The following TCL1B variants were observed in gnomAD, a reference collection of about 807,000 sequenced individuals.
TCL1B encodes the protein T-cell leukemia/lymphoma protein 1B.
A neutral mutation model predicts 16.9 loss-of-function variants in TCL1B; 14 were observed. The observed-to-expected ratio is 0.83, with a 90% CI of 0.55 to 1.30. TCL1B has a LOEUF of 1.30. TCL1B is among the 50% of genes most tolerant of loss of function. TCL1B has a pLI of 0.00. For missense variants in TCL1B, 166 were observed against 165.2 expected, an observed-to-expected ratio of 1.00 and a Z score of -0.03; for synonymous variants, 79 against 66.6, an observed-to-expected ratio of 1.19 and a Z score of -0.91.
chr14:95,686,587 TC>T lies in TCL1B; in HGVS notation c.123del (p.Ser42ArgfsTer65), dbSNP rs770438774. 6 of 1,613,390 alleles carry T rather than the reference TC, an allele frequency of 3.7e-6. No individual in the cohort carries two copies. The South Asian group carries it at 5.5e-5, about 15-fold the overall frequency. ...TWVTVVVRFN[P>X]SRREWARASQ... is the part of the protein sequence containing the mutation. ...GGGTGACTGTGGTCGTGCGGTTCAA[TC>T]CCTCGCGTAGGGAATGGGCCAGGGC... On this transcript the variant is annotated frameshift_variant, in exon 1 of 4. Coordinates refer to ENST00000340722, the MANE Select transcript of TCL1B (RefSeq NM_004918.4). LOFTEE classifies it high-confidence loss of function.
intron 1 of TCL1B, among the ~76,000 whole-genome samples, chr14:95,689,069 A>C (rs772407741): frequency 1.3e-5 from 2 of 152,054 alleles, no homozygotes; most frequent in South Asian, 2.1e-4. Context: ...GGCGGATCAC[A>C]AGGTCAGGAG....
chr14:95,690,849 C>A lies in TCL1B; in HGVS notation c.276C>A (p.Pro92=). The A allele has an allele frequency of 6.2e-7, 1 of 1,614,202 alleles. No individual in the cohort carries two copies. The highest frequency in any genetic ancestry group is 8.5e-7 in the Non-Finnish European group (1 of 1,180,020). The change falls in exon 2 of 4, where the codon CCC becomes CCA. Residue 92 remains proline, a synonymous_variant. Coordinates refer to ENST00000340722, the MANE Select transcript of TCL1B (RefSeq NM_004918.4). ...SQLPAVWQLY[P]GRKYRAADSS... Reference sequence around the variant, plus strand: ...TGCCCGCCGTGTGGCAGCTCTACCCCGGGAGGAAGTACCGAGCAGCGGATT... The same window carrying A: ...TGCCCGCCGTGTGGCAGCTCTACCCAGGGAGGAAGTACCGAGCAGCGGATT...
chr14:95,689,913 T>C (rs557723852), intron 1 of TCL1B, among the ~76,000 whole-genome samples: 12 of 152,380 alleles, frequency 7.9e-5, no homozygotes, highest in Middle Eastern at 3.4e-3. Context: ...CAAAAGACTT[T>C]CCATTTTGTT....
chr14:95,691,139 A>G (rs1885876543), intron 2 of TCL1B, 129 bp from the exon 3 acceptor site: 44 of 1,202,946 alleles, frequency 3.7e-5, no homozygotes, highest in Non-Finnish European at 5.0e-5. Context: ...GGGCTAGGGA[A>G]ATCCACAAGC....
rs752223586 is a variant in TCL1B, at chr14:95,690,843, C to T, written c.270C>T (p.Leu90=). The T allele has an allele frequency of 1.2e-6, 2 of 1,614,174 alleles. No homozygotes were observed. The highest frequency in any genetic ancestry group is 1.7e-6 in the Non-Finnish European group (2 of 1,179,978). The part of the protein sequence containing the change: ...PFSQLPAVWQ[L]YPGRKYRAAD... ...CCCAGCTGCCCGCCGTGTGGCAGCT[C>T]TACCCCGGGAGGAAGTACCGAGCAG... Residue 90 remains leucine (L), a synonymous_variant, in exon 2 of 4, where the codon CTC becomes CTT. Coordinates refer to ENST00000340722, the MANE Select transcript of TCL1B (RefSeq NM_004918.4).
At chr14:95,691,033 C>T in intron 2 of TCL1B, 127 bp downstream of exon 2, 3 of 1,240,014 alleles carry the variant, frequency 2.4e-6, no homozygotes, top group Non-Finnish European at 3.4e-6. Context: ...TCAAGTCTTC[C>T]TTCAAGGAGG....
intron 1 of TCL1B, among the ~76,000 whole-genome samples, chr14:95,690,292 G>A (rs1223629356): frequency 6.6e-6 from 1 of 152,222 alleles, no homozygotes; most frequent in Non-Finnish European, 1.5e-5. Flanking sequence ...ATAAGCCACT[G>A]CTCCCAGCCT....
At chr14:95,691,388 G>A (rs767842110) in intron 3 of TCL1B, 52 bp downstream of exon 3, 14 of 1,553,132 alleles carry the variant, frequency 9.0e-6, no homozygotes, top group African/African-American at 2.7e-5. Context: ...AAAGTGAGAA[G>A]ACCTCTCCTC....
intron 2 of TCL1B, 138 bp downstream of exon 2, chr14:95,691,044 C>G (rs976647767): frequency 1.7e-6 from 2 of 1,179,922 alleles, no homozygotes; most frequent in African/African-American, 3.1e-5. Context: ...TTCAAGGAGG[C>G]CTGAGTGTGT....
rs142637382 is a variant in TCL1B, at chr14:95,690,867, A to T, written c.294A>T (p.Ala98=). The change falls in exon 2 of 4, where the codon GCA becomes GCT. Residue 98 remains alanine, a synonymous_variant. Transcript: ENST00000340722. The stretch of plus-strand genomic sequence containing the variant: ...TCTACCCCGGGAGGAAGTACCGAGC[A>T]GCGGATTCCAGTTTCTGGGAAATAG... The part of the protein sequence containing the change: ...WQLYPGRKYR[A]ADSSFWEIAD... The T allele has an allele frequency of 1.2e-6, 2 of 1,614,152 alleles. No individual in the cohort carries two copies. Among genetic ancestry groups the T allele is most frequent in the East Asian group, 2.2e-5 (1 of 44,884 alleles).
intron 1 of TCL1B, chr14:95,689,359 T>A (rs999671505): frequency 9.2e-5 from 14 of 151,884 alleles, no homozygotes; most frequent in African/African-American, 3.4e-4. Context: ...GGAAATAGAA[T>A]GGATTCTTCA....
Position 95,686,588 on chromosome 14 carries a change from C to T in TCL1B, c.121C>T (p.Pro41Ser). The T allele has an allele frequency of 6.2e-7, 1 of 1,613,484 alleles. No homozygotes were observed. Residue 41 changes from proline (P) to serine (S), a missense_variant, in exon 1 of 4, where the codon CCC becomes TCC. Physicochemically the swap from Pro to Ser is moderately conservative, Grantham distance 74. Transcript: ENST00000340722. ...GGTGACTGTGGTCGTGCGGTTCAAT[C>T]CCTCGCGTAGGGAATGGGCCAGGGC... ...TWVTVVVRFNPSRREWARASQ... is the reference protein window; with the variant it reads ...TWVTVVVRFNSSRREWARASQ...
intron 1 of TCL1B, among the ~76,000 whole-genome samples, chr14:95,687,680 C>T (rs536437840): frequency 3.5e-4 from 53 of 152,104 alleles, no homozygotes; most frequent in Admixed American, 5.9e-4. Flanking sequence ...GGGCTGGGCG[C>T]GGTGGCTCAC....
At chr14:95,690,662 G>A in intron 1 of TCL1B, 74 bp from the exon 2 acceptor site, 3 of 1,514,572 alleles carry the variant, frequency 2.0e-6, no homozygotes, top group South Asian at 2.4e-5. Context: ...CAGCCCACTG[G>A]CCATTGCTTG....
chr14:95,691,582 A>T (rs1885887050), intron 3 of TCL1B: 1 of 398,916 alleles, frequency 2.5e-6, no homozygotes, highest in Non-Finnish European at 4.5e-6. Flanking sequence ...TCCTTGTGAG[A>T]ATTTTGTGAG....
chr14:95,691,320 G>GA lies in TCL1B; in HGVS notation c.387dup. ...ACATATCAGCCGGAGAGGAAAGACT[G>GA]ACACTGGGAGTGGCTGGTATGTTGG... ...VLTYQPERKD[*] The change falls in exon 3 of 4, where the codon TGA becomes TGAA. Residue 129 remains the stop codon, a frameshift_variant and stop_retained_variant. Transcript: ENST00000340722. LOFTEE classifies it high-confidence loss of function. 1 of 1,613,522 alleles carries GA rather than the reference G, an allele frequency of 6.2e-7. No individual in the cohort carries two copies. Among genetic ancestry groups the GA allele is most frequent in the East Asian group, 2.2e-5 (1 of 44,884 alleles).
Position 95,686,545 on chromosome 14 carries a change from TGAG to T in TCL1B, c.83_85del (p.Glu28del), listed in dbSNP as rs1255286676. The T allele has an allele frequency of 3.7e-6, 6 of 1,613,670 alleles. No individual in the cohort carries two copies. The highest frequency in any genetic ancestry group is 3.3e-5 in the Admixed American group (2 of 59,988). The stretch of plus-strand genomic sequence containing the variant: ...TCCAGAGGCCTGGCATCTACGAAGA[TGAG>T]GAGGGGAGAACCTGGGTGACTGTGG... On this transcript the variant is annotated inframe_deletion, in exon 1 of 4. Coordinates refer to ENST00000340722, the MANE Select transcript of TCL1B (RefSeq NM_004918.4).
intron 1 of TCL1B, among the ~76,000 whole-genome samples, chr14:95,690,210 G>A (rs979621551): frequency 6.6e-6 from 1 of 152,138 alleles, no homozygotes; most frequent in Admixed American, 6.6e-5. Flanking sequence ...TTATGTTGCC[G>A]AGGCTGGTCT....
chr14:95,688,811 A>T (rs1206235747), intron 1 of TCL1B, among the ~76,000 whole-genome samples: 3 of 152,224 alleles, frequency 2.0e-5, no homozygotes, highest in African/African-American at 7.2e-5. Context: ...TGTATGAGGT[A>T]CTCAGAGTGG....
Sources: allele counts gnomAD v4.1 joint callset (sites outside exome capture counted in the v4.1 genomes callset), GRCh38; gene constraint gnomAD v4.1.1; transcripts MANE v1.5; gene names NCBI Gene and HGNC (gene_info 2026-07-23, HGNC 2026-07-21).